GTF2F2: variants seen among roughly 807,000 people sequenced by gnomAD.
GTF2F2 encodes general transcription factor IIF subunit 2.
GTF2F2 carries 23 observed loss-of-function variants against 42.2 expected under a neutral mutation model. That is an observed-to-expected ratio of 0.55 (90% CI 0.39 to 0.77). The LOEUF is 0.77. Among genes scored for constraint, GTF2F2 ranks in the 30% least tolerant of loss-of-function variants. GTF2F2 has a pLI of 0.00. For synonymous variants in GTF2F2, 105 were observed against 100.8 expected, an observed-to-expected ratio of 1.04 and a Z score of -0.25; for missense variants, 261 against 287.2, an observed-to-expected ratio of 0.91 and a Z score of 0.66.
intron 4 of GTF2F2, among the ~76,000 whole-genome samples, chr13:45,183,534 AT>A (rs1249071520): frequency 6.6e-6 from 1 of 152,168 alleles, no homozygotes; most frequent in Non-Finnish European, 1.5e-5. Flanking sequence ...CTTTGCTTAC[AT>A]TCCACTAGTC....
At chr13:45,208,555 T>C (rs993587125) in intron 5 of GTF2F2, among the ~76,000 whole-genome samples, 6 of 152,166 alleles carry the variant, frequency 3.9e-5, no homozygotes, top group Non-Finnish European at 5.9e-5. Context: ...GGACCTTCCA[T>C]TGTCGCAGAT....
chr13:45,135,791 A>G (rs1327227761), intron 1 of GTF2F2, among the ~76,000 whole-genome samples: 2 of 152,200 alleles, frequency 1.3e-5, no homozygotes, highest in African/African-American at 4.8e-5. Context: ...AAATAATGAC[A>G]CTTGACACTT....
chr13:45,248,463 GT>G (rs1235986906), intron 5 of GTF2F2, among the ~76,000 whole-genome samples: 1 of 151,276 alleles, frequency 6.6e-6, no homozygotes, highest in Non-Finnish European at 1.5e-5. Flanking sequence ...TGTGTGTTTT[GT>G]TTTTTTGGTT....
chr13:45,215,666 CA>C (rs1310021800), intron 5 of GTF2F2, among the ~76,000 whole-genome samples: 1 of 150,498 alleles, frequency 6.6e-6, no homozygotes, highest in Non-Finnish European at 1.5e-5. Context: ...GAGGCTGAGG[CA>C]GAAGAATCAC....
chr13:45,161,660 G>A (rs1250829002), intron 4 of GTF2F2, among the ~76,000 whole-genome samples: 1 of 152,168 alleles, frequency 6.6e-6, no homozygotes, highest in Non-Finnish European at 1.5e-5. Flanking sequence ...TGGCCAACAT[G>A]GTGAAACGCC....
chr13:45,137,477 T>C (rs1869690662), intron 2 of GTF2F2, among the ~76,000 whole-genome samples: 2 of 152,232 alleles, frequency 1.3e-5, no homozygotes, highest in African/African-American at 2.4e-5. Context: ...ATCCCAAAAC[T>C]TAGTGGCTTA....
intron 5 of GTF2F2, among the ~76,000 whole-genome samples, chr13:45,247,759 TC>T (rs1451210380): frequency 1.3e-4 from 20 of 152,212 alleles, no homozygotes; most frequent in African/African-American, 4.6e-4. Flanking sequence ...GGGACTACTT[TC>T]AAGCTTCACC....
At chr13:45,265,856 T>G (rs1436421020) in intron 6 of GTF2F2, among the ~76,000 whole-genome samples, 1 of 152,228 alleles carries the variant, frequency 6.6e-6, no homozygotes, top group African/African-American at 2.4e-5. Flanking sequence ...ATTATAATTA[T>G]TCCAGCTGAC....
intron 4 of GTF2F2, among the ~76,000 whole-genome samples, chr13:45,191,156 G>A (rs1872602984): frequency 1.4e-5 from 2 of 144,134 alleles, no homozygotes; most frequent in Non-Finnish European, 1.5e-5. Context: ...TGGATCACGA[G>A]GTCAGGATAT....
At chr13:45,141,901 C>T (rs950476206) in intron 2 of GTF2F2, among the ~76,000 whole-genome samples, 3 of 151,922 alleles carry the variant, frequency 2.0e-5, no homozygotes, top group Admixed American at 6.6e-5. Context: ...TTTTTCTAAC[C>T]CCTTTAGGCT....
At chr13:45,148,311 TG>T (rs1870307263) in intron 2 of GTF2F2, among the ~76,000 whole-genome samples, 3 of 152,232 alleles carry the variant, frequency 2.0e-5, no homozygotes, top group Admixed American at 2.0e-4. Flanking sequence ...AGATCTCCAT[TG>T]CCCAAAGAAT....
Position 45,123,567 on chromosome 13 carries a change from T to C in GTF2F2, c.66+2846T>C, listed in dbSNP as rs563860920. ...TCACTTGAGCCTAGGAGGTTGAGGC[T>C]GCAGTGAGCTGAGATCACACCCCTT... On this transcript the variant is annotated intron_variant, in intron 1 of 7. Coordinates refer to ENST00000340473, the MANE Select transcript of GTF2F2 (RefSeq NM_004128.3). Among the ~76,000 whole-genome samples the C allele has an allele frequency of 1.5e-4, 23 of 150,806 alleles. No homozygotes were observed. In the South Asian group the frequency reaches 3.6e-3, roughly 23 times the overall value.
At chr13:45,208,339 T>C (rs1427814399) in intron 5 of GTF2F2, among the ~76,000 whole-genome samples, 1 of 152,232 alleles carries the variant, frequency 6.6e-6, no homozygotes, top group African/African-American at 2.4e-5. Context: ...CCAAATTTTA[T>C]GACGTTCAAA....
chr13:45,179,682 G>A (rs532743023), intron 4 of GTF2F2, among the ~76,000 whole-genome samples: 2 of 152,210 alleles, frequency 1.3e-5, no homozygotes, highest in Non-Finnish European at 2.9e-5. Flanking sequence ...TGACCACAGG[G>A]AATCTCATTT....
chr13:45,279,585 GTC>G (rs2138279024), intron 7 of GTF2F2, among the ~76,000 whole-genome samples: 1 of 152,304 alleles, frequency 6.6e-6, no homozygotes, highest in South Asian at 2.1e-4. Context: ...AGTACACTGA[GTC>G]TCTGTGATGT....
chr13:45,265,781 A>G (rs1171583884), intron 6 of GTF2F2, among the ~76,000 whole-genome samples: 1 of 152,182 alleles, frequency 6.6e-6, no homozygotes, highest in Non-Finnish European at 1.5e-5. Flanking sequence ...ACCTGAGGCT[A>G]TTTGTGGAAT....
At chr13:45,200,437 G>T (rs1313959789) in intron 4 of GTF2F2, among the ~76,000 whole-genome samples, 2 of 152,118 alleles carry the variant, frequency 1.3e-5, no homozygotes, top group South Asian at 2.1e-4. Context: ...CTCCCGTATA[G>T]TTGGGGCCAC....
chr13:45,272,518 G>A (rs1304555957), intron 7 of GTF2F2, among the ~76,000 whole-genome samples: 1 of 150,556 alleles, frequency 6.6e-6, no homozygotes, highest in Non-Finnish European at 1.5e-5. Context: ...CAAGGTGAGA[G>A]GATTGCTTGA....
intron 5 of GTF2F2, among the ~76,000 whole-genome samples, chr13:45,227,719 G>A (rs567671041): frequency 6.6e-6 from 1 of 152,262 alleles, no homozygotes; most frequent in South Asian, 2.1e-4. Context: ...GTATTAAATG[G>A]AATGTAATTA....
Sources: allele counts gnomAD v4.1 joint callset (sites outside exome capture counted in the v4.1 genomes callset), GRCh38; gene constraint gnomAD v4.1.1; transcripts MANE v1.5; gene names NCBI Gene and HGNC (gene_info 2026-07-23, HGNC 2026-07-21).